The following KCNAB1 variants were observed in gnomAD, a reference collection of about 807,000 sequenced individuals.
KCNAB1 encodes the protein voltage-gated potassium channel subunit beta-1.
In KCNAB1, 35 loss-of-function variants were observed where a neutral mutation model predicts 64.6. The ratio of observed to expected loss-of-function variants is 0.54; its 90% confidence interval spans 0.41 to 0.72. The LOEUF (loss-of-function observed/expected upper bound fraction) is 0.72. Among genes scored for constraint, KCNAB1 ranks in the 30% least tolerant of loss-of-function variants. The pLI is 0.00. For missense variants in KCNAB1, 401 were observed against 512.9 expected (o/e 0.78, Z 2.11); for synonymous variants, 177 against 183.8 (o/e 0.96, Z 0.30).
chr3:156,404,909 TGAAAA>T (rs370748402), intron 1 of KCNAB1, among the ~76,000 whole-genome samples: 3 of 151,892 alleles, frequency 2.0e-5, no homozygotes, highest in African/African-American at 7.2e-5. Flanking sequence ...TTTGGGAAAA[TGAAAA>T]GAAAGGAAGG....
intron 1 of KCNAB1, among the ~76,000 whole-genome samples, chr3:156,129,271 A>T (rs1453939343): frequency 6.6e-6 from 1 of 152,144 alleles, no homozygotes; most frequent in Non-Finnish European, 1.5e-5. Flanking sequence ...ATTCTACTCC[A>T]TATCGAAGGT....
In KCNAB1 at chr3:156,174,306, G is replaced by A. The variant is rs140587374; in HGVS notation, c.275+53420G>A. On this transcript the variant is annotated intron_variant, in intron 1 of 13. Transcript: ENST00000490337. Reference sequence around the variant, plus strand: ...AGCAATAATTAATTTTTAGTGGTTTGTTCTTGGGTAGGAATTAGAAACATT... The same window carrying A: ...AGCAATAATTAATTTTTAGTGGTTTATTCTTGGGTAGGAATTAGAAACATT... 3.9e-3 allele frequency among the ~76,000 whole-genome samples: 597 copies of A among 152,254 alleles called. 7 individuals are homozygous for A. The highest frequency in any genetic ancestry group is 0.017 in the South Asian group (81 of 4,828).
chr3:156,425,755 T>C (rs1399264543), intron 2 of KCNAB1, among the ~76,000 whole-genome samples: 1 of 152,002 alleles, frequency 6.6e-6, no homozygotes, highest in African/African-American at 2.4e-5. Flanking sequence ...CATAGTGCAG[T>C]GGGAGTTAGG....
At chr3:156,496,160 G>T (rs1037393235) in intron 8 of KCNAB1, among the ~76,000 whole-genome samples, 1 of 152,088 alleles carries the variant, frequency 6.6e-6, no homozygotes, top group Non-Finnish European at 1.5e-5. Flanking sequence ...TGTCAGTTTT[G>T]TAAAGGCACA....
At chr3:156,482,156 C>T (rs1479758509) in intron 8 of KCNAB1, among the ~76,000 whole-genome samples, 1 of 151,858 alleles carries the variant, frequency 6.6e-6, no homozygotes, top group Non-Finnish European at 1.5e-5. Context: ...CTCTGAAACT[C>T]TTTATGCCCT....
chr3:156,292,009 C>G (rs150626308), intron 1 of KCNAB1: 1 of 1,614,122 alleles, frequency 6.2e-7, no homozygotes, highest in African/African-American at 1.3e-5. Flanking sequence ...ATGTGGTGAA[C>G]GCAGCCCGGG....
intron 1 of KCNAB1, among the ~76,000 whole-genome samples, chr3:156,248,545 T>G (rs2108460320): frequency 6.6e-6 from 1 of 151,204 alleles, no homozygotes; most frequent in South Asian, 2.1e-4. Context: ...ATGTTATTGC[T>G]TACAGATGTA....
At chr3:156,397,356 TGA>T (rs1348550496) in intron 1 of KCNAB1, among the ~76,000 whole-genome samples, 1 of 152,210 alleles carries the variant, frequency 6.6e-6, no homozygotes, top group East Asian at 1.9e-4. Context: ...AGCATTACTG[TGA>T]GTACCTGGAT....
chr3:156,408,303 GA>G (rs1218024609), intron 1 of KCNAB1, among the ~76,000 whole-genome samples: 1 of 152,176 alleles, frequency 6.6e-6, no homozygotes, highest in African/African-American at 2.4e-5. Context: ...GCAAGGGGCA[GA>G]GGAAGACCAC....
chr3:156,382,873 C>T (rs997022478), intron 1 of KCNAB1, among the ~76,000 whole-genome samples: 3 of 152,236 alleles, frequency 2.0e-5, no homozygotes, highest in Non-Finnish European at 4.4e-5. Context: ...TGTTACATGT[C>T]GCTGAGGTGT....
intron 1 of KCNAB1, among the ~76,000 whole-genome samples, chr3:156,299,479 C>T (rs1460225435): frequency 6.6e-6 from 1 of 151,542 alleles, no homozygotes; most frequent in African/African-American, 2.4e-5. Flanking sequence ...ACAGGCTTCT[C>T]AGGAAGAGAT....
intron 2 of KCNAB1, among the ~76,000 whole-genome samples, chr3:156,445,297 G>A (rs1022375757): frequency 6.6e-6 from 1 of 152,094 alleles, no homozygotes; most frequent in Admixed American, 6.5e-5. Context: ...CTCTGTCTCT[G>A]AAACAAAAAC....
chr3:156,433,191 C>T (rs571783258), intron 2 of KCNAB1, among the ~76,000 whole-genome samples: 6 of 152,254 alleles, frequency 3.9e-5, no homozygotes, highest in Middle Eastern at 3.4e-3. Flanking sequence ...GTGGAGGAGA[C>T]GTGGTTCTCA....
chr3:156,391,602 A>T (rs754263908), intron 1 of KCNAB1, among the ~76,000 whole-genome samples: 1 of 152,156 alleles, frequency 6.6e-6, no homozygotes, highest in Non-Finnish European at 1.5e-5. Flanking sequence ...ACCTCTACAA[A>T]ATGTGGGAGG....
At chr3:156,267,564 A>G (rs1268933223) in intron 1 of KCNAB1, among the ~76,000 whole-genome samples, 1 of 152,104 alleles carries the variant, frequency 6.6e-6, no homozygotes, top group African/African-American at 2.4e-5. Flanking sequence ...TGCATCACTT[A>G]TTACATAAAT....
At chr3:156,366,471 G>A (rs1271436682) in intron 1 of KCNAB1, among the ~76,000 whole-genome samples, 1 of 152,230 alleles carries the variant, frequency 6.6e-6, no homozygotes, top group Admixed American at 6.5e-5. Flanking sequence ...GTTAAGGAAT[G>A]AGAAAATAGA....
rs1455458911 is a variant in KCNAB1 at position 156,537,115 on chromosome 3, T to C, written c.*368T>C. The C allele has an allele frequency of 2.5e-6, 1 of 401,920 alleles. No individual in the cohort carries two copies. The highest frequency in any genetic ancestry group is 4.4e-6 in the Non-Finnish European group (1 of 228,298). 24.9% of individuals were successfully genotyped at this position (401,920 alleles called of 1,614,324 possible). A position where few individuals can be genotyped will look rare whatever the true frequency, so the allele number is the denominator to read the frequency against. ...TTTTCAAAAGAACAAAATCCACAGA[T>C]GCAATGTGAGTTGCGTAAGAAACAG... On this transcript the variant is annotated 3_prime_UTR_variant, in exon 14 of 14. Transcript: ENST00000490337.
At chr3:156,149,164 A>T (rs1287118628) in intron 1 of KCNAB1, among the ~76,000 whole-genome samples, 1 of 152,144 alleles carries the variant, frequency 6.6e-6, no homozygotes, top group Non-Finnish European at 1.5e-5. Flanking sequence ...TGGAGACATC[A>T]GTTCTCAGAG....
chr3:156,255,811 C>G (rs1718071123), intron 1 of KCNAB1, among the ~76,000 whole-genome samples: 1 of 152,162 alleles, frequency 6.6e-6, no homozygotes, highest in African/African-American at 2.4e-5. Flanking sequence ...CACAAACTCG[C>G]CAAGCAGATT....
Sources: allele counts gnomAD v4.1 joint callset (sites outside exome capture counted in the v4.1 genomes callset), GRCh38; gene constraint gnomAD v4.1.1; transcripts MANE v1.5; gene names NCBI Gene and HGNC (gene_info 2026-07-23, HGNC 2026-07-21).